The following SEMA5A variants were observed in gnomAD, a reference collection of about 807,000 sequenced individuals.
SEMA5A encodes semaphorin-5A.
Under a neutral mutation model 135.5 loss-of-function variants are expected in SEMA5A, and 55 were observed. The observed-to-expected ratio is 0.41, with a 90% CI of 0.33 to 0.51. The LOEUF is 0.51. SEMA5A is among the 20% of genes least tolerant of loss of function. The probability of loss-of-function intolerance (pLI) is 0.37; values close to 1 mark genes in which losing one functional copy is unlikely to be tolerated. For synonymous variants in SEMA5A, 580 were observed against 546.5 expected, an observed-to-expected ratio of 1.06 and a Z score of -0.85; for missense variants, 1,290 against 1,419.9, an observed-to-expected ratio of 0.91 and a Z score of 1.47.
At chr5:9,241,593 T>C (rs1748200849) in intron 5 of SEMA5A, among the ~76,000 whole-genome samples, 1 of 150,440 alleles carries the variant, frequency 6.6e-6, no homozygotes, top group Non-Finnish European at 1.5e-5. Flanking sequence ...AGAAGAGGCT[T>C]ATGGAAAACC....
intron 12 of SEMA5A, among the ~76,000 whole-genome samples, chr5:9,138,455 T>C (rs1045699895): frequency 6.6e-6 from 1 of 152,240 alleles, no homozygotes; most frequent in African/African-American, 2.4e-5. Context: ...TTTCGCATTT[T>C]GCTTTCTACA....
intron 5 of SEMA5A, among the ~76,000 whole-genome samples, chr5:9,307,007 C>T (rs989361351): frequency 6.6e-6 from 1 of 152,192 alleles, no homozygotes; most frequent in Non-Finnish European, 1.5e-5. Context: ...TGCCTAATTT[C>T]GTATAAAGCA....
chr5:9,383,509 C>T (rs1394505889), intron 2 of SEMA5A, among the ~76,000 whole-genome samples: 1 of 152,168 alleles, frequency 6.6e-6, no homozygotes, highest in Non-Finnish European at 1.5e-5. Flanking sequence ...CAAGCACTCA[C>T]ACCCATGCCT....
intron 11 of SEMA5A, among the ~76,000 whole-genome samples, chr5:9,160,178 G>A (rs1256354596): frequency 6.6e-6 from 1 of 152,112 alleles, no homozygotes; most frequent in African/African-American, 2.4e-5. Flanking sequence ...TGCTATTGTT[G>A]TTGTTAAGAA....
At chr5:9,369,308 A>T (rs1579426066) in intron 3 of SEMA5A, among the ~76,000 whole-genome samples, 1 of 152,012 alleles carries the variant, frequency 6.6e-6, no homozygotes, top group East Asian at 1.9e-4. Context: ...TTGCTTATCC[A>T]TTTTCTTAAT....
chr5:9,058,203 A>G (rs1210813053), intron 18 of SEMA5A, among the ~76,000 whole-genome samples: 1 of 152,206 alleles, frequency 6.6e-6, no homozygotes, highest in Non-Finnish European at 1.5e-5. Flanking sequence ...AACTCATTCA[A>G]TATTCCATCT....
At chr5:9,306,265 A>C (rs1751865192) in intron 5 of SEMA5A, among the ~76,000 whole-genome samples, 1 of 152,114 alleles carries the variant, frequency 6.6e-6, no homozygotes, top group Non-Finnish European at 1.5e-5. Context: ...TTGAGACTCA[A>C]GTTGTATGTG....
chr5:9,125,588 A>G (rs1453885596), intron 13 of SEMA5A, among the ~76,000 whole-genome samples: 1 of 152,006 alleles, frequency 6.6e-6, no homozygotes, highest in Non-Finnish European at 1.5e-5. Context: ...GAGTGAGAAC[A>G]TGCAGCACTT....
chr5:9,086,939 C>T (rs1482937193), intron 16 of SEMA5A, among the ~76,000 whole-genome samples: 1 of 152,092 alleles, frequency 6.6e-6, no homozygotes, highest in African/African-American at 2.4e-5. Context: ...CTTAGGTCTT[C>T]TTTGATTGTT....
intron 5 of SEMA5A, chr5:9,280,943 A>G (rs888393087): frequency 1.0e-5 from 2 of 197,450 alleles, no homozygotes; most frequent in Non-Finnish European, 2.2e-5. Context: ...TTCTTCATTA[A>G]TAATATTAGC....
chr5:9,229,861 G>A (rs1234182553), intron 6 of SEMA5A, among the ~76,000 whole-genome samples: 1 of 152,206 alleles, frequency 6.6e-6, no homozygotes, highest in Non-Finnish European at 1.5e-5. Flanking sequence ...CCCTGGTGAA[G>A]AGAAAGCAAG....
At chr5:9,093,809 C>T (rs1739172546) in intron 16 of SEMA5A, among the ~76,000 whole-genome samples, 1 of 152,220 alleles carries the variant, frequency 6.6e-6, no homozygotes, top group African/African-American at 2.4e-5. Context: ...TCCCTTGCCG[C>T]ATCCCTGTAC....
intron 16 of SEMA5A, among the ~76,000 whole-genome samples, chr5:9,103,809 C>T (rs998678185): frequency 1.3e-5 from 2 of 152,174 alleles, no homozygotes; most frequent in East Asian, 1.9e-4. Context: ...TATCTTTCTT[C>T]CTTTCATGTG....
At position 9,204,218 on chromosome 5, in the gene SEMA5A, C is replaced by G. The variant is rs557397142; in HGVS notation, c.647-1978G>C. Among the ~76,000 whole-genome samples, 1 of 152,166 alleles carries G rather than the reference C, an allele frequency of 6.6e-6. No homozygotes were observed. The highest frequency in any genetic ancestry group is 2.4e-5 in the African/African-American group (1 of 41,436). ...CAAACAACAACAACAAAAACAGCAA[C>G]AAGCAACCCTTCCTAAAATGTGGAA... On this transcript the variant is annotated intron_variant, in intron 8 of 22. Transcript: ENST00000382496. The surrounding 1 kb of genome is among the most constrained non-coding windows in gnomAD (Gnocchi z 6.4).
At chr5:9,043,857 G>A (rs1325171366) in intron 22 of SEMA5A, among the ~76,000 whole-genome samples, 1 of 152,224 alleles carries the variant, frequency 6.6e-6, no homozygotes, top group Non-Finnish European at 1.5e-5. Flanking sequence ...ACAGTGATCA[G>A]AGACAAGCTG....
intron 15 of SEMA5A, among the ~76,000 whole-genome samples, chr5:9,110,408 C>T (rs774721879): frequency 8.5e-5 from 13 of 152,172 alleles, no homozygotes; most frequent in Non-Finnish European, 1.5e-4. Flanking sequence ...GCCCATAGAA[C>T]AAACAGCAAC....
chr5:9,394,816 T>C (rs924153992), intron 2 of SEMA5A, among the ~76,000 whole-genome samples: 1 of 152,174 alleles, frequency 6.6e-6, no homozygotes, highest in African/African-American at 2.4e-5. Context: ...TTAAATATTA[T>C]ACAGCTTATT....
chr5:9,316,774 C>CTTTA (rs1386726883), intron 5 of SEMA5A, among the ~76,000 whole-genome samples: 54 of 152,008 alleles, frequency 3.6e-4, no homozygotes, highest in African/African-American at 6.3e-4. Context: ...ATCTCACATA[C>CTTTA]TTTATTTATT....
At chr5:9,230,396 A>C (rs1320098532) in intron 6 of SEMA5A, among the ~76,000 whole-genome samples, 1 of 152,102 alleles carries the variant, frequency 6.6e-6, no homozygotes, top group Non-Finnish European at 1.5e-5. Context: ...ATGGTGCAGC[A>C]GTGTGCCAGG....
Sources: allele counts gnomAD v4.1 joint callset (sites outside exome capture counted in the v4.1 genomes callset), GRCh38; gene constraint gnomAD v4.1.1; non-coding constraint Gnocchi (gnomAD v3.1); transcripts MANE v1.5; gene names NCBI Gene and HGNC (gene_info 2026-07-23, HGNC 2026-07-21).